FBH1: variants seen among roughly 807,000 people sequenced by gnomAD.
The protein encoded by FBH1 is DNA 3'-5' helicase 1.
FBH1 carries 43 observed loss-of-function variants against 115.5 expected under a neutral mutation model. The ratio of observed to expected loss-of-function variants is 0.37; its 90% CI spans 0.29 to 0.48. The LOEUF is 0.48. Ranked by LOEUF, FBH1 falls within the 20% of genes least tolerant of loss-of-function variation. FBH1 has a pLI of 0.99. For synonymous variants in FBH1, 524 were observed against 507.8 expected (o/e 1.03, Z -0.43); for missense variants, 1,001 against 1,337.3 (o/e 0.75, Z 3.92).
chr10:5,916,509 G>C (rs1831948694), intron 10 of FBH1, 53 bp downstream of exon 10: 1 of 1,559,026 alleles, frequency 6.4e-7, no homozygotes, highest in Non-Finnish European at 8.8e-7. Flanking sequence ...GGGAACAGGG[G>C]AAGTGTTAGG....
chr10:5,909,205 G>T lies in FBH1; in HGVS notation c.931G>T (p.Val311Leu), dbSNP rs775547742. Residue 311 changes from valine (V) to leucine (L), a missense_variant, in exon 5 of 21, where the codon GTG (valine) becomes TTG (leucine). Around this residue, in one of 4 missense-constraint regions of FBH1, gnomAD observed 420 missense variants for 430.4 expected, o/e 0.98. Transcript: ENST00000362091. This position sits in a 1 kb window ranked among gnomAD's most constrained non-coding sequence, Gnocchi z 4.4. ...KCSPSVDPER[V>L]LWSLRDHPLL... ...CTCTCCGAGTGTGGATCCCGAGAGG[G>T]TGCTGTGGAGTCTGAGGGACCACCC... 1.2e-6 allele frequency: 2 copies of T among 1,613,064 alleles called. No individual in the cohort carries two copies. Among genetic ancestry groups the T allele is most frequent in the Admixed American group, 1.7e-5 (1 of 59,976 alleles).
At chr10:5,893,522 C>T (rs973362503) in intron 1 of FBH1, among the ~76,000 whole-genome samples, 3 of 152,212 alleles carry the variant, frequency 2.0e-5, no homozygotes, top group South Asian at 2.1e-4. Context: ...TCCTGCCACT[C>T]TAGTGCATTG....
At position 5,906,382 on chromosome 10, in the gene FBH1, A is replaced by T; in HGVS notation, c.503A>T (p.Asp168Val). The T allele has an allele frequency of 6.2e-7, 1 of 1,614,142 alleles. No individual in the cohort carries two copies. The highest frequency in any genetic ancestry group is 8.5e-7 in the Non-Finnish European group (1 of 1,179,940). Residue 168 changes from aspartate to valine, a missense_variant, in exon 3 of 21, where the codon GAC becomes GTC. Transcript: ENST00000362091. This position sits in a 1 kb window ranked among gnomAD's most constrained non-coding sequence, Gnocchi z 7.3. Reference protein sequence around the residue: ...RPREARQEAEDSTSRLSAESG... With the variant: ...RPREARQEAEVSTSRLSAESG... ...AGGGAGGCCAGGCAAGAAGCAGAGG[A>T]CAGTACGTCTCGGCTCTCTGCGGAG...
intron 2 of FBH1, chr10:5,905,141 A>C (rs1281080041): frequency 6.6e-6 from 1 of 152,258 alleles, no homozygotes; most frequent in Non-Finnish European, 1.5e-5. Flanking sequence ...GAGATTAGGT[A>C]CCACTCTAAC....
Position 5,904,364 on chromosome 10 carries a change from T to A in FBH1, c.157+1189T>A, listed in dbSNP as rs147537665. Among the ~76,000 whole-genome samples the A allele has an allele frequency of 7.2e-5, 11 of 152,326 alleles. No individual in the cohort carries two copies. In the East Asian group the frequency reaches 2.1e-3, roughly 29 times the overall value. ...TCTTTAACTATTGTATGTTTCCTGC[T>A]GTGGGAACTACTATAACCAACTGTA... On this transcript the variant is annotated intron_variant, in intron 2 of 20. Transcript: ENST00000362091.
chr10:5,937,411 C>A lies in FBH1; in HGVS notation c.*131C>A. 9.6e-7 allele frequency: 1 copy of A among 1,040,482 alleles called. No homozygotes were observed. Among genetic ancestry groups the A allele is most frequent in the Non-Finnish European group, 1.3e-6 (1 of 772,064 alleles). The allele number at this position is 1,040,482 out of a possible 1,614,324, so 64.5% of individuals were successfully genotyped here. A position where few individuals can be genotyped will look rare whatever the true frequency, so the allele number is the denominator to read the frequency against. On this transcript the variant is annotated 3_prime_UTR_variant, in exon 21 of 21. Coordinates refer to ENST00000362091, the MANE Select transcript of FBH1 (RefSeq NM_178150.3). ...CAGCACTTTCTGAGGAAGAGGACAC[C>A]AGCCCAAGCTGGACCTGCCATTTCT... is the stretch of plus-strand genomic sequence containing the variant.
Position 5,921,456 on chromosome 10 carries a change from A to G in FBH1, c.2209A>G (p.Arg737Gly). 2 of 1,605,046 alleles carry G rather than the reference A, an allele frequency of 1.2e-6. No individual in the cohort carries two copies. The highest frequency in any genetic ancestry group is 1.7e-6 in the Non-Finnish European group (2 of 1,177,342). Residue 737 changes from arginine (R) to glycine (G), a missense_variant, in exon 15 of 21, where the codon AGA becomes GGA. By Grantham distance (125) the Arg-to-Gly change is moderately radical. Transcript: ENST00000362091. The surrounding 1 kb of genome is among the most constrained non-coding windows in gnomAD (Gnocchi z 6.4). ...LVGGNHQSGI[R>G]GDAKGQVALL... The stretch of plus-strand genomic sequence containing the variant: ...GTGCTCTCTCCCTAAAGGTGGCATT[A>G]GAGGTGACGCAAAGGGGCAAGTGGC...
At position 5,925,344 on chromosome 10, in the gene FBH1, C is replaced by A; in HGVS notation, c.2597-23C>A. On this transcript the variant is annotated intron_variant, in intron 17 of 20. Coordinates refer to ENST00000362091, the MANE Select transcript of FBH1 (RefSeq NM_178150.3). This position sits in a 1 kb window ranked among gnomAD's most constrained non-coding sequence, Gnocchi z 4.6. ...TCTTTCCCTTTGAAGCACCATCTAA[C>A]GTGTGCTGTGTTTTTATCCTAGAGT... is the stretch of plus-strand genomic sequence containing the variant. 1 of 1,613,076 alleles carries A rather than the reference C, an allele frequency of 6.2e-7. No individual in the cohort carries two copies. Among genetic ancestry groups the A allele is most frequent in the South Asian group, 1.1e-5 (1 of 90,868 alleles).
chr10:5,894,060 A>AT, intron 1 of FBH1: 1 of 984,200 alleles, frequency 1.0e-6, no homozygotes. Flanking sequence ...CAGGTGTCTC[A>AT]GATGTGAGAG....
rs767621633 is a variant in FBH1 at position 5,918,337 on chromosome 10, T to C, written c.1964-5T>C. On this transcript the variant is annotated splice_polypyrimidine_tract_variant and splice_region_variant and intron_variant, in intron 12 of 20. Coordinates refer to ENST00000362091, the MANE Select transcript of FBH1 (RefSeq NM_178150.3). The surrounding 1 kb of genome is among the most constrained non-coding windows in gnomAD (Gnocchi z 4.0). ...GTTTCTCACTTTTCCTCTCGTTGGTTACAGCTATCATGAACATAGTTCTGT... is the reference window on the plus strand; with the variant it reads ...GTTTCTCACTTTTCCTCTCGTTGGTCACAGCTATCATGAACATAGTTCTGT... 8.1e-6 allele frequency: 13 copies of C among 1,608,400 alleles called. No individual in the cohort carries two copies. Among genetic ancestry groups the C allele is most frequent in the African/African-American group, 1.3e-5 (1 of 74,298 alleles).
At position 5,926,208 on chromosome 10, in the gene FBH1, C is replaced by T. The variant is rs189182674; in HGVS notation, c.2722+716C>T. ...CGATCTCGGCTCACTGCAATCTCCA[C>T]CTCCCGGGTTCAAGTGATTCTCCTG... On this transcript the variant is annotated intron_variant, in intron 18 of 20. Transcript: ENST00000362091. Among the ~76,000 whole-genome samples the T allele has an allele frequency of 8.6e-3, 1,315 of 152,312 alleles. 5 individuals are homozygous for T. The highest frequency in any genetic ancestry group is 0.014 in the Non-Finnish European group (960 of 68,028).
Position 5,910,669 on chromosome 10 carries a change from T to G in FBH1, c.1021-269T>G, listed in dbSNP as rs571880698. ...AGCTCATATTTTTAGACTGTCTCTC[T>G]GTCCAAGGTTCTATGTTAGATACTT... On this transcript the variant is annotated intron_variant, in intron 5 of 20. Coordinates refer to ENST00000362091, the MANE Select transcript of FBH1 (RefSeq NM_178150.3). The surrounding 1 kb of genome is among the most constrained non-coding windows in gnomAD (Gnocchi z 4.8). 4.9e-4 allele frequency among the ~76,000 whole-genome samples: 75 copies of G among 152,320 alleles called. No homozygotes were observed. Among genetic ancestry groups the G allele is most frequent in the Middle Eastern group, 3.4e-3 (1 of 294 alleles).
At chr10:5,901,845 T>G (rs1843366301) in intron 1 of FBH1, among the ~76,000 whole-genome samples, 1 of 152,242 alleles carries the variant, frequency 6.6e-6, no homozygotes, top group African/African-American at 2.4e-5. Flanking sequence ...ATTACAGGCG[T>G]GAGCCACTGC....
chr10:5,894,988 C>A, intron 1 of FBH1: 1 of 1,561,892 alleles, frequency 6.4e-7, no homozygotes, highest in Non-Finnish European at 8.7e-7. Context: ...TGAGTGAATA[C>A]TTTTATGGTG....
In FBH1 at chr10:5,917,241, G is replaced by C. The variant is rs935522050; in HGVS notation, c.1789-179G>C. 1.6e-6 allele frequency: 1 copy of C among 608,436 alleles called. No homozygotes were observed. Among genetic ancestry groups the C allele is most frequent in the Admixed American group, 2.7e-5 (1 of 37,400 alleles). The allele number at this position is 608,436 out of a possible 1,614,324, so 37.7% of individuals were successfully genotyped here. On this transcript the variant is annotated intron_variant, in intron 10 of 20. Coordinates refer to ENST00000362091, the MANE Select transcript of FBH1 (RefSeq NM_178150.3). The surrounding 1 kb of genome is among the most constrained non-coding windows in gnomAD (Gnocchi z 5.6). ...CCGGCTGCTTCCTGTCTCAGCACTG[G>C]AGACCCTCTGGCGTGGAGAGGCTGT... is the stretch of plus-strand genomic sequence containing the variant.
rs1272801704 is a variant in FBH1 at position 5,910,269 on chromosome 10, C to G, written c.1021-669C>G. Among the ~76,000 whole-genome samples the G allele has an allele frequency of 2.0e-5, 3 of 150,746 alleles. No individual in the cohort carries two copies. Among genetic ancestry groups the G allele is most frequent in the African/African-American group, 4.9e-5 (2 of 40,878 alleles). On this transcript the variant is annotated intron_variant, in intron 5 of 20. Transcript: ENST00000362091. This position sits in a 1 kb window ranked among gnomAD's most constrained non-coding sequence, Gnocchi z 4.8. The stretch of plus-strand genomic sequence containing the variant: ...TGCACTCCAGCCTGTGTGACAGAGT[C>G]AGACTTTGTCTCAAAAAAAAAAAAA...
rs1232434277 is a variant in FBH1 at position 5,918,454 on chromosome 10, C to T, written c.2076C>T (p.His692=). The T allele has an allele frequency of 5.6e-6, 9 of 1,603,938 alleles. No homozygotes were observed. Among genetic ancestry groups the T allele is most frequent in the Non-Finnish European group, 5.1e-6 (6 of 1,177,072 alleles). ...TCAACGCCCTGTTCACAGTGCCCCA[C>T]ACCCACGTCTTCTATCTCACGCAGG... is the stretch of plus-strand genomic sequence containing the variant. ...GAVNALFTVP[H]THVFYLTQSF... The change falls in exon 13 of 21, where the codon CAC becomes CAT. Residue 692 remains histidine, a synonymous_variant. Transcript: ENST00000362091. The surrounding 1 kb of genome is among the most constrained non-coding windows in gnomAD (Gnocchi z 4.0).
intron 1 of FBH1, chr10:5,891,204 TGAAAA>T: frequency 8.1e-6 from 8 of 985,050 alleles, no homozygotes; most frequent in Non-Finnish European, 9.6e-6. Flanking sequence ...CGGAGATAAA[TGAAAA>T]GACTTCTGGA....
At position 5,926,098 on chromosome 10, in the gene FBH1, ATTATTC is replaced by A. The variant is rs752046210; in HGVS notation, c.2722+621_2722+626del. 1.5e-3 allele frequency among the ~76,000 whole-genome samples: 183 copies of A among 124,886 alleles called. No individual in the cohort carries two copies. The East Asian group carries it at 0.023, about 15-fold the overall frequency. 81.9% of individuals were successfully genotyped at this position (124,886 alleles called of 152,430 possible). A position where few individuals can be genotyped will look rare whatever the true frequency, so the allele number is the denominator to read the frequency against. ...CTGCTTTCTTGTTGTTGTTGTTATTATTATTCTTATTCTTATTCTTCTTATTATTAT... is the reference window on the plus strand; with the variant it reads ...CTGCTTTCTTGTTGTTGTTGTTATTATTATTCTTATTCTTCTTATTATTAT... On this transcript the variant is annotated intron_variant, in intron 18 of 20. Coordinates refer to ENST00000362091, the MANE Select transcript of FBH1 (RefSeq NM_178150.3).
Sources: gnomAD v4.1 joint callset for allele counts (sites outside exome capture counted in the v4.1 genomes callset) on GRCh38, gnomAD v4.1.1 for gene constraint, gnomAD v4.1.1 regional missense constraint, Gnocchi (gnomAD v3.1) non-coding constraint, MANE v1.5 for transcripts, NCBI Gene and HGNC (gene_info 2026-07-23, HGNC 2026-07-21) for gene names.